Variants in PCDH7 observed in about 807,000 individuals in gnomAD.
PCDH7 encodes the protein protocadherin-7.
A neutral mutation model predicts 58.9 loss-of-function variants in PCDH7; 17 were observed. The ratio of observed to expected loss-of-function variants is 0.29; its 90% CI spans 0.20 to 0.43. PCDH7 has a LOEUF of 0.43. Among genes scored for constraint, PCDH7 ranks in the 20% least tolerant of loss-of-function variants. The pLI, the probability that PCDH7 is intolerant of heterozygous loss-of-function variation, is 1.00. For missense variants in PCDH7, 1,274 were observed against 1,441.0 expected (o/e 0.88, Z 1.88); for synonymous variants, 664 against 616.4 (o/e 1.08, Z -1.14).
intron 1 of PCDH7, among the ~76,000 whole-genome samples, chr4:30,826,165 G>A (rs6815248): frequency 0.038 from 5,712 of 152,124 alleles, 351 homozygotes; most frequent in African/African-American, 0.13. Context: ...CCTCATTAAA[G>A]CCATGGCAAC....
chr4:31,053,560 T>C (rs936390731), intron 3 of PCDH7, among the ~76,000 whole-genome samples: 2 of 152,082 alleles, frequency 1.3e-5, no homozygotes, highest in African/African-American at 4.8e-5. Flanking sequence ...CACAGTGAGA[T>C]CCTGTCCCTA....
chr4:30,927,396 C>T (rs1229885614), intron 2 of PCDH7, among the ~76,000 whole-genome samples: 4 of 151,550 alleles, frequency 2.6e-5, no homozygotes, highest in East Asian at 1.9e-4. Context: ...ATGACAATGG[C>T]GGTTTTGTGG....
At chr4:30,969,130 C>T (rs572288998) in intron 3 of PCDH7, among the ~76,000 whole-genome samples, 3 of 152,230 alleles carry the variant, frequency 2.0e-5, no homozygotes, top group East Asian at 1.9e-4. Context: ...TGTTTTAGGC[C>T]GGAATGCAGA....
intron 3 of PCDH7, among the ~76,000 whole-genome samples, chr4:30,988,256 T>C (rs900655861): frequency 1.3e-5 from 2 of 152,212 alleles, no homozygotes; most frequent in Non-Finnish European, 2.9e-5. Context: ...TATTTTGGCA[T>C]GTTTCTGCCC....
chr4:30,725,198 C>T (rs1714439781), intron 1 of PCDH7: 1 of 999,078 alleles, frequency 1.0e-6, no homozygotes. Flanking sequence ...TGCAAAACTC[C>T]ACTTTCAATC....
intron 1 of PCDH7, among the ~76,000 whole-genome samples, chr4:30,855,474 C>T (rs994811332): frequency 6.6e-6 from 1 of 152,114 alleles, no homozygotes; most frequent in Non-Finnish European, 1.5e-5. Context: ...CAAACTCATC[C>T]TTTCTTCCTG....
chr4:30,980,083 A>C (rs146071531), intron 3 of PCDH7, among the ~76,000 whole-genome samples: 348 of 152,274 alleles, frequency 2.3e-3, no homozygotes, highest in Non-Finnish European at 3.7e-3. Flanking sequence ...AGTTTTAGGG[A>C]ATAAGGAGCC....
In PCDH7 at chr4:30,967,129, T is replaced by C. The variant is rs924407911; in HGVS notation, c.*7+16914T>C. ...ACCACAAAAATTGTAACTTAAAAAG[T>C]TGTTTTAAATCCATATAAGAATTGT... is the stretch of plus-strand genomic sequence containing the variant. On this transcript the variant is annotated intron_variant, in intron 3 of 3. Coordinates refer to the PCDH7 transcript ENST00000509759. 5.9e-5 allele frequency among the ~76,000 whole-genome samples: 9 copies of C among 152,090 alleles called. No homozygotes were observed. The East Asian group carries it at 1.5e-3, about 26-fold the overall frequency.
intron 3 of PCDH7, among the ~76,000 whole-genome samples, chr4:31,092,381 T>TAACAGCGATAAC (rs2109286489): frequency 6.6e-6 from 1 of 152,096 alleles, no homozygotes; most frequent in South Asian, 2.1e-4. Flanking sequence ...TTCTAACCTA[T>TAACAGCGATAAC]CAGCAGCGAT....
intron 1 of PCDH7, among the ~76,000 whole-genome samples, chr4:30,745,332 A>T (rs1365481119): frequency 1.4e-4 from 21 of 147,318 alleles, no homozygotes; most frequent in African/African-American, 5.3e-4. Context: ...TTTTTCTTTT[A>T]CAATTTCTAA....
chr4:31,088,975 G>A (rs1712856794), intron 3 of PCDH7, among the ~76,000 whole-genome samples: 1 of 151,830 alleles, frequency 6.6e-6, no homozygotes, highest in South Asian at 2.1e-4. Flanking sequence ...TTACACTTTA[G>A]GTATTCTATC....
chr4:30,793,462 G>T (rs571613625), intron 1 of PCDH7, among the ~76,000 whole-genome samples: 2 of 151,790 alleles, frequency 1.3e-5, no homozygotes, highest in African/African-American at 4.8e-5. Flanking sequence ...CAGTTAATTA[G>T]CACTTTAATT....
intron 1 of PCDH7, among the ~76,000 whole-genome samples, chr4:30,905,700 A>C (rs973377757): frequency 4.6e-5 from 7 of 152,224 alleles, no homozygotes; most frequent in South Asian, 2.1e-4. Flanking sequence ...TCTTTTCCTG[A>C]CTAGGACTCC....
At chr4:30,734,099 G>A (rs1715904795), downstream of PCDH7, among the ~76,000 whole-genome samples, 1 of 151,686 alleles carries the variant, frequency 6.6e-6, no homozygotes. Context: ...ACCTACCAAA[G>A]TCTTTTGGGA....
intron 1 of PCDH7, among the ~76,000 whole-genome samples, chr4:30,767,740 T>C (rs1720935788): frequency 6.6e-6 from 1 of 152,196 alleles, no homozygotes. Flanking sequence ...CAGATCTTAC[T>C]AGTAAGGCAG....
Position 30,722,041 on chromosome 4 carries a change from C to G in PCDH7, c.619C>G (p.Pro207Ala), listed in dbSNP as rs1459143945. The G allele has an allele frequency of 8.1e-7, 1 of 1,241,646 alleles. No individual in the cohort carries two copies. Among genetic ancestry groups the G allele is most frequent in the Admixed American group, 4.3e-5 (1 of 23,378 alleles). The allele number at this position is 1,241,646 out of a possible 1,614,324, so 76.9% of individuals were successfully genotyped here. ...CGGGGCGGCCGACAGCGCCCCCTAC[C>G]CCGGGGGCGGCGGGAACGGCGCGAG... The change falls in exon 1 of 2, where the codon CCC (proline) becomes GCC (alanine). Residue 207 changes from proline to alanine, a missense_variant. By Grantham distance (27) the Pro-to-Ala change is conservative. This residue lies in a region of PCDH7 where 331 missense variants were observed against 303.2 expected (regional missense o/e 1.09). Transcript: ENST00000361762. This position sits in a 1 kb window ranked among gnomAD's most constrained non-coding sequence, Gnocchi z 7.6.
chr4:30,963,272 T>C (rs66578250), intron 3 of PCDH7, among the ~76,000 whole-genome samples: 22,836 of 152,154 alleles, frequency 0.15, 1,837 homozygotes, highest in Non-Finnish European at 0.17. Flanking sequence ...TTAAAAGTCA[T>C]TGGAGATTTT....
At chr4:30,931,555 C>T (rs545813705) in intron 2 of PCDH7, among the ~76,000 whole-genome samples, 54 of 151,752 alleles carry the variant, frequency 3.6e-4, no homozygotes, top group Non-Finnish European at 5.3e-4. Flanking sequence ...GCCTGGGCAA[C>T]GAGAGCGAAA....
At chr4:30,842,980 G>A (rs375358963) in intron 1 of PCDH7, among the ~76,000 whole-genome samples, 13 of 151,478 alleles carry the variant, frequency 8.6e-5, no homozygotes, top group South Asian at 6.3e-4. Flanking sequence ...AAGAAACAGC[G>A]TCTGTCTTAT....
Sources: gnomAD v4.1 joint callset for allele counts (sites outside exome capture counted in the v4.1 genomes callset) on GRCh38, gnomAD v4.1.1 for gene constraint, gnomAD v4.1.1 regional missense constraint, Gnocchi (gnomAD v3.1) non-coding constraint, MANE v1.5 for transcripts, NCBI Gene and HGNC (gene_info 2026-07-23, HGNC 2026-07-21) for gene names.